TMEM207: variants seen among roughly 807,000 people sequenced by gnomAD.
The protein encoded by TMEM207 is transmembrane protein 207, also known as SRSR846.
In TMEM207, 15 loss-of-function variants were observed where a neutral mutation model predicts 17.4. The observed-to-expected ratio is 0.86, with a 90% CI of 0.58 to 1.33. The LOEUF (loss-of-function observed/expected upper bound fraction) is 1.33, where lower values mean the gene tolerates loss of function less well. Among genes scored for constraint, TMEM207 ranks in the 40% most tolerant of loss-of-function variants. The probability of loss-of-function intolerance (pLI) is 0.00; values close to 1 mark genes in which losing one functional copy is unlikely to be tolerated. For missense variants in TMEM207, 205 were observed against 173.8 expected, an observed-to-expected ratio of 1.18 and a Z score of -1.01; for synonymous variants, 70 against 65.6, an observed-to-expected ratio of 1.07 and a Z score of -0.33.
intron 2 of TMEM207, among the ~76,000 whole-genome samples, chr3:190,446,813 C>G (rs997127654): frequency 2.6e-5 from 4 of 152,084 alleles, no homozygotes; most frequent in African/African-American, 9.7e-5. Context: ...TAGTCTGGGT[C>G]AAAGGCAGAA....
intron 4 of TMEM207, among the ~76,000 whole-genome samples, chr3:190,437,573 G>T (rs973250704): frequency 6.6e-6 from 1 of 152,056 alleles, no homozygotes; most frequent in African/African-American, 2.4e-5. Flanking sequence ...AGTTAGAATG[G>T]CAATCATTAA....
chr3:190,449,599 T>A, intron 1 of TMEM207, 136 bp downstream of exon 1: 1 of 742,146 alleles, frequency 1.3e-6, no homozygotes. Context: ...AATCATAAGA[T>A]GCTAGTAAAG....
intron 4 of TMEM207, among the ~76,000 whole-genome samples, chr3:190,434,078 CT>C (rs35962826): frequency 1.3e-5 from 2 of 152,114 alleles, no homozygotes; most frequent in South Asian, 2.1e-4. Flanking sequence ...CCAATTTAAA[CT>C]TTTTTTTCAT....
In TMEM207 at chr3:190,429,951, CATT is replaced by C. The variant is rs578126034; in HGVS notation, c.305-223_305-221del. On this transcript the variant is annotated intron_variant, in intron 4 of 4. Coordinates refer to ENST00000354905, the MANE Select transcript of TMEM207 (RefSeq NM_207316.3). ...TGCTTGCCTGAACTGATGAAATCAT[CATT>C]GTCTAACCCATCAAGAAGCATTTAC... Among the ~76,000 whole-genome samples, 383 of 152,204 alleles carry C rather than the reference CATT, an allele frequency of 2.5e-3. 4 individuals carry two copies. The highest frequency in any genetic ancestry group is 9.0e-3 in the African/African-American group (373 of 41,550).
At chr3:190,430,167 T>C (rs955481615) in intron 4 of TMEM207, among the ~76,000 whole-genome samples, 2 of 152,160 alleles carry the variant, frequency 1.3e-5, no homozygotes, top group African/African-American at 2.4e-5. Flanking sequence ...CTAATATAAA[T>C]AATTATTTCT....
At chr3:190,440,469 G>C in intron 3 of TMEM207, 80 bp from the exon 4 acceptor site, 1 of 1,363,452 alleles carries the variant, frequency 7.3e-7, no homozygotes, top group Non-Finnish European at 9.9e-7. Flanking sequence ...CCTAGAAGTG[G>C]GGTGAAGACT....
At chr3:190,442,158 T>C (rs773575133) in intron 2 of TMEM207, among the ~76,000 whole-genome samples, 3 of 152,176 alleles carry the variant, frequency 2.0e-5, no homozygotes, top group Non-Finnish European at 4.4e-5. Context: ...TTGGGAGGTA[T>C]AACTCCGTAG....
At chr3:190,447,894 C>T (rs1271601557) in intron 1 of TMEM207, 67 bp from the exon 2 acceptor site, 11 of 1,446,306 alleles carry the variant, frequency 7.6e-6, no homozygotes, top group African/African-American at 2.9e-5. Context: ...ATACAAGCAG[C>T]GCCTAGAGAC....
chr3:190,445,809 G>C (rs1383525119), intron 2 of TMEM207, among the ~76,000 whole-genome samples: 1 of 152,190 alleles, frequency 6.6e-6, no homozygotes, highest in African/African-American at 2.4e-5. Flanking sequence ...TACAGGGTTA[G>C]CCACTGCGCC....
At chr3:190,447,185 G>A (rs1720070178) in intron 2 of TMEM207, among the ~76,000 whole-genome samples, 2 of 151,966 alleles carry the variant, frequency 1.3e-5, no homozygotes, top group East Asian at 1.9e-4. Flanking sequence ...GTGCTGGGTG[G>A]AAGTGCTTTT....
intron 4 of TMEM207, among the ~76,000 whole-genome samples, chr3:190,438,096 T>C (rs1719841853): frequency 1.4e-5 from 1 of 73,750 alleles, no homozygotes; most frequent in Non-Finnish European, 2.4e-5. Context: ...GGGACTGTTG[T>C]GGGGTGGGGG....
intron 4 of TMEM207, among the ~76,000 whole-genome samples, chr3:190,436,366 T>C (rs556791517): frequency 2.0e-5 from 3 of 152,342 alleles, no homozygotes; most frequent in South Asian, 4.2e-4. Flanking sequence ...AACCTTATTT[T>C]GTATTCTAAC....
At chr3:190,446,287 G>GA (rs1267773214) in intron 2 of TMEM207, among the ~76,000 whole-genome samples, 1 of 152,154 alleles carries the variant, frequency 6.6e-6, no homozygotes, top group Non-Finnish European at 1.5e-5. Context: ...TATAGTTAGA[G>GA]AAAGAGGATT....
intron 4 of TMEM207, among the ~76,000 whole-genome samples, chr3:190,434,038 T>C (rs1395180480): frequency 1.3e-5 from 2 of 152,200 alleles, no homozygotes; most frequent in Non-Finnish European, 2.9e-5. Flanking sequence ...GTCAGCATCA[T>C]GCTTCCTGTA....
intron 4 of TMEM207, 30 bp from the exon 5 acceptor site, chr3:190,429,761 C>A (rs1257396931): frequency 1.0e-5 from 16 of 1,561,524 alleles, no homozygotes; most frequent in Admixed American, 2.0e-5. Context: ...GACTTGTAAT[C>A]TTTCTAGTGA....
chr3:190,447,028 TC>T (rs1368442630), intron 2 of TMEM207, among the ~76,000 whole-genome samples: 2 of 152,044 alleles, frequency 1.3e-5, no homozygotes, highest in Non-Finnish European at 1.5e-5. Context: ...AATAAGAAGA[TC>T]CACCAGAAGC....
chr3:190,447,835 A>G lies in TMEM207; in HGVS notation c.76-8T>C, dbSNP rs1436559465. The G allele has an allele frequency of 3.1e-6, 5 of 1,612,150 alleles. No homozygotes were observed. In the East Asian group the frequency reaches 8.9e-5, roughly 29 times the overall value. ...TAGGTCCGAGAGCACCAACTGAAAC[A>G]CATGTTTAGAACAATAAAATCCAAA... On this transcript the variant is annotated splice_region_variant and splice_polypyrimidine_tract_variant and intron_variant, in intron 1 of 4. Coordinates refer to ENST00000354905, the MANE Select transcript of TMEM207 (RefSeq NM_207316.3).
intron 2 of TMEM207, among the ~76,000 whole-genome samples, chr3:190,442,494 G>C (rs1719956348): frequency 6.6e-6 from 1 of 152,182 alleles, no homozygotes; most frequent in African/African-American, 2.4e-5. Context: ...CATATGTGAA[G>C]TGTCAATTTA....
chr3:190,429,369 A>C lies in TMEM207; in HGVS notation c.*226T>G. 1 of 508,064 alleles carries C rather than the reference A, an allele frequency of 2.0e-6. No individual in the cohort carries two copies. Among genetic ancestry groups the C allele is most frequent in the South Asian group, 2.4e-5 (1 of 42,386 alleles). 31.5% of individuals were successfully genotyped at this position (508,064 alleles called of 1,614,324 possible). ...AGCATTAATTTGGTTGTGTAGCATA[A>C]AAGTATGATACAGCAGTGACACATC... On this transcript the variant is annotated 3_prime_UTR_variant, in exon 5 of 5. Coordinates refer to ENST00000354905, the MANE Select transcript of TMEM207 (RefSeq NM_207316.3).
Sources: gnomAD v4.1 joint callset for allele counts (sites outside exome capture counted in the v4.1 genomes callset) on GRCh38, gnomAD v4.1.1 for gene constraint, MANE v1.5 for transcripts, NCBI Gene and HGNC (gene_info 2026-07-23, HGNC 2026-07-21) for gene names.